The following GRIN2B variants were observed in gnomAD, a reference collection of about 807,000 sequenced individuals.
GRIN2B encodes the protein glutamate receptor ionotropic, NMDA 2B.
GRIN2B carries 5 observed loss-of-function variants against 114.5 expected under a neutral mutation model. That is an observed-to-expected ratio of 0.04 (90% confidence interval 0.02 to 0.09). The LOEUF (loss-of-function observed/expected upper bound fraction) is 0.09, where lower values mean the gene tolerates loss of function less well. Among genes scored for constraint, GRIN2B ranks in the 10% least tolerant of loss-of-function variants. The pLI is 1.00. For missense variants in GRIN2B, 1,108 were observed against 1,943.5 expected (o/e 0.57, Z 8.08); for synonymous variants, 787 against 745.1 (o/e 1.06, Z -0.92).
Position 13,608,761 on chromosome 12 carries a change from C to T in GRIN2B, c.1852G>A (p.Val618Ile), listed in dbSNP as rs1428234478. The T allele has an allele frequency of 1.2e-6, 2 of 1,613,906 alleles. No homozygotes were observed. The highest frequency in any genetic ancestry group is 1.7e-6 in the Non-Finnish European group (2 of 1,179,964). ...GTCCCCTTTGGGTTCTGCACAGGTA[C>T]GGAGTTGTTAAACACCAGACCCCAG... ...LLWGLVFNNS[V>I]PVQNPKGTTS... The change falls in exon 10 of 14, where the codon GTA (valine) becomes ATA (isoleucine). Residue 618 changes from valine (V) to isoleucine (I), a missense_variant. Val to Ile is a conservative substitution (Grantham distance 29, BLOSUM62 3). Coordinates refer to ENST00000609686, the MANE Select transcript of GRIN2B (RefSeq NM_000834.5).
At chr12:13,730,232 G>A (rs571396335) in intron 4 of GRIN2B, among the ~76,000 whole-genome samples, 17 of 151,970 alleles carry the variant, frequency 1.1e-4, no homozygotes, top group Non-Finnish European at 1.8e-4. Flanking sequence ...AAATCCATTC[G>A]TCTTCAAAAA....
In GRIN2B at chr12:13,556,350, A is replaced by G. The variant is rs959697592; in HGVS notation, c.*6433T>C. On this transcript the variant is annotated 3_prime_UTR_variant, in exon 14 of 14. Transcript: ENST00000609686. ...ATTTATACATACATTTACATATTTT[A>G]TACTTATGCTTTCATATATTCTACG... The G allele has an allele frequency of 6.6e-6, 1 of 152,202 alleles. No homozygotes were observed. The highest frequency in any genetic ancestry group is 2.4e-5 in the African/African-American group (1 of 41,464). 9.4% of individuals were successfully genotyped at this position (152,202 alleles called of 1,614,324 possible). A position where few individuals can be genotyped will look rare whatever the true frequency, so the allele number is the denominator to read the frequency against.
At position 13,753,425 on chromosome 12, in the gene GRIN2B, G is replaced by A; in HGVS notation, c.902C>T (p.Thr301Ile). The A allele has an allele frequency of 1.2e-6, 2 of 1,613,924 alleles. No homozygotes were observed. The highest frequency in any genetic ancestry group is 1.1e-5 in the South Asian group (1 of 91,084). The change falls in exon 4 of 14, where the codon ACC becomes ATC. Residue 301 changes from threonine to isoleucine, a missense_variant. By Grantham distance (89) the Thr-to-Ile change is moderately conservative (BLOSUM62 -1). Coordinates refer to ENST00000609686, the MANE Select transcript of GRIN2B (RefSeq NM_000834.5). This position sits in a 1 kb window ranked among gnomAD's most constrained non-coding sequence, Gnocchi z 6.2. Reference sequence around the variant, plus strand: ...AGACAGCATGTCAGAAGCAGCAGTGGTGATTATGGCAATTCCATCTCTCAC... The same window carrying A: ...AGACAGCATGTCAGAAGCAGCAGTGATGATTATGGCAATTCCATCTCTCAC... The part of the protein sequence containing the change: ...ARVRDGIAII[T>I]TAASDMLSEH...
intron 9 of GRIN2B, 149 bp from the exon 10 acceptor site, chr12:13,608,981 G>T: frequency 1.5e-6 from 1 of 688,764 alleles, no homozygotes; most frequent in Non-Finnish European, 2.6e-6. Context: ...AAATTTGAGA[G>T]TGTGTATCTC....
At chr12:13,621,613 GTTTTTT>G (rs869106790) in intron 5 of GRIN2B, among the ~76,000 whole-genome samples, 1 of 72,368 alleles carries the variant, frequency 1.4e-5, no homozygotes, top group African/African-American at 5.6e-5. Flanking sequence ...CCTAGTTTTT[GTTTTTT>G]TTTTTTTTTT....
In GRIN2B at chr12:13,559,878, T is replaced by C. The variant is rs1191919668; in HGVS notation, c.*2905A>G. On this transcript the variant is annotated 3_prime_UTR_variant, in exon 14 of 14. Transcript: ENST00000609686. Reference sequence around the variant, plus strand: ...TCAGAGGAGGCCGCTGGGAGATTTCTCAGGATTGAGCTTCCTGAAACCTTT... The same window carrying C: ...TCAGAGGAGGCCGCTGGGAGATTTCCCAGGATTGAGCTTCCTGAAACCTTT... 1 of 152,206 alleles carries C rather than the reference T, an allele frequency of 6.6e-6. No homozygotes were observed. Among genetic ancestry groups the C allele is most frequent in the Non-Finnish European group, 1.5e-5 (1 of 68,050 alleles). 9.4% of individuals were successfully genotyped at this position (152,206 alleles called of 1,614,324 possible). A position where few individuals can be genotyped will look rare whatever the true frequency, so the allele number is the denominator to read the frequency against.
At chr12:13,707,313 C>T (rs1309174005) in intron 4 of GRIN2B, among the ~76,000 whole-genome samples, 1 of 152,074 alleles carries the variant, frequency 6.6e-6, no homozygotes, top group African/African-American at 2.4e-5. Flanking sequence ...AGTAGGTCTC[C>T]TGCAACTCTT....
intron 5 of GRIN2B, among the ~76,000 whole-genome samples, chr12:13,642,201 C>CAAACAAAG (rs1308553184): frequency 7.5e-6 from 1 of 132,970 alleles, no homozygotes; most frequent in African/African-American, 2.9e-5. Flanking sequence ...AACAAACAAA[C>CAAACAAAG]AAACAAACAA....
chr12:13,819,991 G>A (rs775367559), intron 3 of GRIN2B, among the ~76,000 whole-genome samples: 25 of 152,264 alleles, frequency 1.6e-4, no homozygotes, highest in Non-Finnish European at 3.4e-4. Context: ...TTCCTGACCC[G>A]AGGTGGGTCC....
At chr12:13,820,905 C>A (rs368523265) in intron 3 of GRIN2B, among the ~76,000 whole-genome samples, 1 of 152,236 alleles carries the variant, frequency 6.6e-6, no homozygotes, top group South Asian at 2.1e-4. Flanking sequence ...TTTGATTCTT[C>A]CCCCTTTTGA....
intron 2 of GRIN2B, among the ~76,000 whole-genome samples, chr12:13,927,679 T>C (rs1866942063): frequency 6.6e-6 from 1 of 151,986 alleles, no homozygotes; most frequent in Admixed American, 6.6e-5. Flanking sequence ...TGCAGCCATA[T>C]GCAGTGGCTC....
At chr12:13,583,535 A>G (rs1289766982) in intron 10 of GRIN2B, among the ~76,000 whole-genome samples, 3 of 152,198 alleles carry the variant, frequency 2.0e-5, no homozygotes, top group Non-Finnish European at 4.4e-5. Context: ...AAATGTACAG[A>G]TTAAGGAATC....
At chr12:13,782,667 T>C (rs935890658) in intron 3 of GRIN2B, among the ~76,000 whole-genome samples, 2 of 152,242 alleles carry the variant, frequency 1.3e-5, no homozygotes, top group African/African-American at 4.8e-5. Context: ...TAACTCTCAC[T>C]ACTTTATAGT....
intron 4 of GRIN2B, among the ~76,000 whole-genome samples, chr12:13,686,048 A>G (rs1950172216): frequency 6.6e-6 from 1 of 152,172 alleles, no homozygotes; most frequent in Non-Finnish European, 1.5e-5. Flanking sequence ...ATACATCTAG[A>G]TGAGAAAAAC....
intron 3 of GRIN2B, among the ~76,000 whole-genome samples, chr12:13,825,083 G>A (rs1306415357): frequency 6.6e-6 from 1 of 151,722 alleles, no homozygotes; most frequent in African/African-American, 2.4e-5. Context: ...CCCTTGAAGC[G>A]CTGCATTAGC....
At chr12:13,941,669 G>A (rs985514814) in intron 2 of GRIN2B, among the ~76,000 whole-genome samples, 1 of 152,166 alleles carries the variant, frequency 6.6e-6, no homozygotes, top group East Asian at 1.9e-4. Context: ...AGTGGTGGCC[G>A]AGGCATGCAG....
At chr12:13,961,783 A>C (rs1286170524) in intron 2 of GRIN2B, among the ~76,000 whole-genome samples, 1 of 152,162 alleles carries the variant, frequency 6.6e-6, no homozygotes, top group African/African-American at 2.4e-5. Context: ...GCGGAATGGC[A>C]GACAAGAATC....
chr12:13,607,244 A>ATAATATATAAAATATATTATAT (rs1949270896), intron 10 of GRIN2B, among the ~76,000 whole-genome samples: 1 of 83,398 alleles, frequency 1.2e-5, no homozygotes, highest in African/African-American at 6.7e-5. Context: ...TATATTATAT[A>ATAATATATAAAATATATTATAT]AAAAATATAT....
At chr12:13,809,863 T>C (rs999555649) in intron 3 of GRIN2B, among the ~76,000 whole-genome samples, 179 of 152,360 alleles carry the variant, frequency 1.2e-3, no homozygotes, top group African/African-American at 4.1e-3. Flanking sequence ...TCCAATTTTT[T>C]TCTACACACT....
Sources: gnomAD v4.1 joint callset for allele counts (sites outside exome capture counted in the v4.1 genomes callset) on GRCh38, gnomAD v4.1.1 for gene constraint, Gnocchi (gnomAD v3.1) non-coding constraint, MANE v1.5 for transcripts, NCBI Gene and HGNC (gene_info 2026-07-23, HGNC 2026-07-21) for gene names.